The following COPS4 variants were observed in gnomAD, a reference collection of about 807,000 sequenced individuals.
COPS4 encodes COP9 signalosome subunit 4, also known as COP9 signalosome complex subunit 4.
A neutral mutation model predicts 55.1 loss-of-function variants in COPS4; 8 were observed. The observed-to-expected ratio is 0.15, with a 90% confidence interval of 0.09 to 0.26. The LOEUF (loss-of-function observed/expected upper bound fraction) is 0.26. Among genes scored for constraint, COPS4 ranks in the 10% least tolerant of loss-of-function variants. COPS4 has a pLI of 1.00. For synonymous variants in COPS4, 185 were observed against 165.7 expected, an observed-to-expected ratio of 1.12 and a Z score of -0.90; for missense variants, 248 against 484.0, an observed-to-expected ratio of 0.51 and a Z score of 4.58.
Position 83,057,016 on chromosome 4 carries a change from C to T in COPS4, c.501C>T (p.Tyr167=). ...EDDDPVQAEA[Y]INRASLLQNE... is the part of the protein sequence containing the mutation. ...ATGATCCAGTCCAGGCAGAGGCTTA[C>T]ATAAATCGAGCATCGTTGCTTCAGA... is the stretch of plus-strand genomic sequence containing the variant. Residue 167 remains tyrosine (Y), a synonymous_variant, in exon 5 of 10, where the codon TAC becomes TAT. Transcript: ENST00000264389. The T allele has an allele frequency of 6.2e-7, 1 of 1,613,952 alleles. No individual in the cohort carries two copies. Among genetic ancestry groups the T allele is most frequent in the Non-Finnish European group, 8.5e-7 (1 of 1,179,866 alleles).
At chr4:83,054,310 C>T (rs930745155) in intron 4 of COPS4, among the ~76,000 whole-genome samples, 4 of 152,156 alleles carry the variant, frequency 2.6e-5, no homozygotes, top group Non-Finnish European at 5.9e-5. Context: ...CCACTGCACT[C>T]CAGCCAGGGT....
At chr4:83,069,970 A>G (rs1048046809) in intron 9 of COPS4, among the ~76,000 whole-genome samples, 39 of 152,024 alleles carry the variant, frequency 2.6e-4, no homozygotes, top group African/African-American at 8.9e-4. Flanking sequence ...CTTTCCATCA[A>G]TATTTACACA....
intron 9 of COPS4, chr4:83,073,136 G>T: frequency 1.9e-6 from 1 of 515,842 alleles, no homozygotes; most frequent in South Asian, 3.1e-5. Flanking sequence ...CTAGTTTCAC[G>T]ACATTTTCAT....
At chr4:83,044,637 T>G (rs1721448917) in intron 1 of COPS4, among the ~76,000 whole-genome samples, 2 of 150,188 alleles carry the variant, frequency 1.3e-5, no homozygotes, top group African/African-American at 4.9e-5. Context: ...TAGCCAGGCG[T>G]GGTGGCGCAT....
At chr4:83,046,809 C>T (rs1730731445) in intron 2 of COPS4, among the ~76,000 whole-genome samples, 1 of 152,160 alleles carries the variant, frequency 6.6e-6, no homozygotes, top group Non-Finnish European at 1.5e-5. Context: ...CGTATAGGTA[C>T]AGGTATCCCT....
At chr4:83,059,251 G>A (rs1028778811) in intron 6 of COPS4, among the ~76,000 whole-genome samples, 1 of 151,900 alleles carries the variant, frequency 6.6e-6, no homozygotes, top group Admixed American at 6.6e-5. Flanking sequence ...ACCTTTTAGT[G>A]TTTACTTAAT....
intron 6 of COPS4, among the ~76,000 whole-genome samples, chr4:83,057,919 C>CAAA (rs960818183): frequency 1.1e-4 from 6 of 54,242 alleles, no homozygotes; most frequent in Admixed American, 5.6e-4. Context: ...GACTCTGTCT[C>CAAA]AAAAAAAAAA....
intron 6 of COPS4, among the ~76,000 whole-genome samples, chr4:83,062,230 A>G (rs1036465626): frequency 3.9e-5 from 6 of 152,222 alleles, no homozygotes; most frequent in African/African-American, 1.4e-4. Flanking sequence ...ATTTTTATTA[A>G]CGAAATAATT....
chr4:83,059,874 G>T (rs1398354508), intron 6 of COPS4, among the ~76,000 whole-genome samples: 5 of 151,404 alleles, frequency 3.3e-5, no homozygotes, highest in African/African-American at 1.2e-4. Flanking sequence ...CTAATTTTTT[G>T]TATTTTTTAG....
intron 9 of COPS4, among the ~76,000 whole-genome samples, chr4:83,071,035 C>G (rs1420290035): frequency 6.6e-6 from 1 of 152,124 alleles, no homozygotes; most frequent in Admixed American, 6.5e-5. Flanking sequence ...ATTTGAATAT[C>G]CTTAATCAGT....
intron 9 of COPS4, among the ~76,000 whole-genome samples, chr4:83,073,922 A>G (rs1273565325): frequency 6.6e-6 from 1 of 151,004 alleles, no homozygotes; most frequent in East Asian, 2.0e-4. Flanking sequence ...GCGCCACTGC[A>G]CTCCAGCCCA....
intron 6 of COPS4, among the ~76,000 whole-genome samples, chr4:83,058,224 T>G (rs1252348270): frequency 6.6e-6 from 1 of 152,166 alleles, no homozygotes; most frequent in Non-Finnish European, 1.5e-5. Flanking sequence ...AAATGCTAAT[T>G]CTAAACCATA....
At position 83,063,298 on chromosome 4, in the gene COPS4, A is replaced by G. The variant is rs777144059; in HGVS notation, c.886+52A>G. 6 of 1,252,008 alleles carry G rather than the reference A, an allele frequency of 4.8e-6. No individual in the cohort carries two copies. The Admixed American group carries it at 1.4e-4, about 28-fold the overall frequency. The allele number at this position is 1,252,008 out of a possible 1,614,324, so 77.6% of individuals were successfully genotyped here. On this transcript the variant is annotated intron_variant, in intron 7 of 9. Transcript: ENST00000264389. ...GGTAGTCAATGTTTAGGTACAGACT[A>G]GTGAAAATCATGTTAAATTAGAAGT...
rs1470285746 is a variant in COPS4, at chr4:83,058,813, TGTATGA to T, written c.715+1410_715+1415del. Among the ~76,000 whole-genome samples, 27 of 152,248 alleles carry T rather than the reference TGTATGA, an allele frequency of 1.8e-4. 1 individual carries two copies. The highest frequency in any genetic ancestry group is 4.0e-4 in the Non-Finnish European group (27 of 68,046). ...CACAACACTATAGTGATTATGCACA[TGTATGA>T]GTATATGTATAGGTTAACTTTCTGG... is the stretch of plus-strand genomic sequence containing the variant. On this transcript the variant is annotated intron_variant, in intron 6 of 9. Transcript: ENST00000264389.
intron 4 of COPS4, among the ~76,000 whole-genome samples, chr4:83,052,259 A>C (rs1394671479): frequency 6.6e-6 from 1 of 152,194 alleles, no homozygotes; most frequent in Non-Finnish European, 1.5e-5. Context: ...TTTATGATCC[A>C]GTAGAAAGCA....
intron 4 of COPS4, among the ~76,000 whole-genome samples, chr4:83,051,540 G>A (rs188339163): frequency 6.6e-6 from 1 of 152,156 alleles, no homozygotes; most frequent in East Asian, 1.9e-4. Context: ...TATGTAGAGT[G>A]TGCAAAAAAG....
chr4:83,063,194 T>C lies in COPS4; in HGVS notation c.834T>C (p.Leu278=), dbSNP rs373901019. 29 of 1,612,776 alleles carry C rather than the reference T, an allele frequency of 1.8e-5. No individual in the cohort carries two copies. The highest frequency in any genetic ancestry group is 2.4e-5 in the Non-Finnish European group (28 of 1,179,698). The change falls in exon 7 of 10, where the codon CTT becomes CTC. Residue 278 remains leucine (L), a synonymous_variant. Coordinates refer to ENST00000264389, the MANE Select transcript of COPS4 (RefSeq NM_016129.3). The part of the protein sequence containing the change: ...YLDRIIRGNQ[L]QEFAAMLMPH... Reference sequence around the variant, plus strand: ...ATAGGATCATCAGAGGAAATCAACTTCAAGAATTTGCTGCCATGCTGATGC... The same window carrying C: ...ATAGGATCATCAGAGGAAATCAACTCCAAGAATTTGCTGCCATGCTGATGC...
chr4:83,055,339 A>G (rs2868737), intron 4 of COPS4, among the ~76,000 whole-genome samples: 66,894 of 152,086 alleles, frequency 0.44, 17,178 homozygotes, highest in Admixed American at 0.58. Context: ...GTATTTTGAT[A>G]TATGTGTATA....
Position 83,075,413 on chromosome 4 carries a change from G to T in COPS4, c.1204G>T (p.Ala402Ser). 1 of 1,614,046 alleles carries T rather than the reference G, an allele frequency of 6.2e-7. No homozygotes were observed. The highest frequency in any genetic ancestry group is 8.5e-7 in the Non-Finnish European group (1 of 1,179,978). Residue 402 changes from alanine (A) to serine (S), a missense_variant, in exon 10 of 10, where the codon GCC (alanine) becomes TCC (serine). Transcript: ENST00000264389. ...AGAATGGACAGCACAAGCCATGGAA[G>T]CCCAGATGGCTCAGTGAATCCTTGC... The part of the protein sequence containing the change: ...APEWTAQAME[A>S]QMAQ
Sources: gnomAD v4.1 joint callset for allele counts (sites outside exome capture counted in the v4.1 genomes callset) on GRCh38, gnomAD v4.1.1 for gene constraint, MANE v1.5 for transcripts, NCBI Gene and HGNC (gene_info 2026-07-23, HGNC 2026-07-21) for gene names.